The following CARD10 variants were observed in gnomAD, a reference collection of about 807,000 sequenced individuals.
CARD10 encodes the protein caspase recruitment domain-containing protein 10.
Under a neutral mutation model 114.6 loss-of-function variants are expected in CARD10, and 49 were observed. The observed-to-expected ratio is 0.43, with a 90% CI of 0.34 to 0.54. CARD10 has a LOEUF of 0.54. Among genes scored for constraint, CARD10 ranks in the 20% least tolerant of loss-of-function variants. The probability of loss-of-function intolerance (pLI) is 0.03; values close to 1 mark genes in which losing one functional copy is unlikely to be tolerated. For missense variants in CARD10, 1,206 were observed against 1,397.2 expected (o/e 0.86, Z 2.18); for synonymous variants, 602 against 593.2 (o/e 1.01, Z -0.21).
chr22:37,510,473 G>A, intron 3 of CARD10, 52 bp from the exon 4 acceptor site: 1 of 1,548,624 alleles, frequency 6.5e-7, no homozygotes, highest in Non-Finnish European at 8.8e-7. Context: ...GGGAGCCACG[G>A]GTTACAGGGG....
rs1922854481 is a variant in CARD10 at position 37,492,813 on chromosome 22, G to C, written c.2477-11C>G. 1.2e-6 allele frequency: 2 copies of C among 1,608,270 alleles called. No individual in the cohort carries two copies. Among genetic ancestry groups the C allele is most frequent in the Admixed American group, 1.7e-5 (1 of 59,856 alleles). The stretch of plus-strand genomic sequence containing the variant: ...GGCTCCGCTCCGGCTCTGTGGCAGG[G>C]GAGGGGCGCAAAAGAGATAAGGGCA... On this transcript the variant is annotated splice_polypyrimidine_tract_variant and intron_variant, in intron 16 of 19. Transcript: ENST00000251973. The surrounding 1 kb of genome is among the most constrained non-coding windows in gnomAD (Gnocchi z 5.7).
rs5845349 is a variant in CARD10, at chr22:37,514,103, C to CAAA, written c.699+1867_699+1869dup. Among the ~76,000 whole-genome samples the CAAA allele has an allele frequency of 2.6e-3, 350 of 133,220 alleles. 2 individuals carry two copies. The East Asian group carries it at 0.026, about 10-fold the overall frequency. 87.4% of individuals were successfully genotyped at this position (133,220 alleles called of 152,430 possible). A position where few individuals can be genotyped will look rare whatever the true frequency, so the allele number is the denominator to read the frequency against. ...TGGGTAACAAAGCAAGACTCCATCTCAAAAAAAAAAAAAAAAAAATTCCTT... is the reference window on the plus strand; with the variant it reads ...TGGGTAACAAAGCAAGACTCCATCTCAAAAAAAAAAAAAAAAAAAAAATTCCTT... On this transcript the variant is annotated intron_variant, in intron 3 of 19. Coordinates refer to ENST00000251973, the MANE Select transcript of CARD10 (RefSeq NM_014550.4).
At position 37,496,872 on chromosome 22, in the gene CARD10, G is replaced by A; in HGVS notation, c.1947+147C>T. On this transcript the variant is annotated intron_variant, in intron 12 of 19. Coordinates refer to ENST00000251973, the MANE Select transcript of CARD10 (RefSeq NM_014550.4). This position sits in a 1 kb window ranked among gnomAD's most constrained non-coding sequence, Gnocchi z 4.1. ...ACTTCAATTAAGCCTGGCTGAGCAG[G>A]CAACCACAGCTAATCACTGAGCCCG... 2 of 986,334 alleles carry A rather than the reference G, an allele frequency of 2.0e-6. No individual in the cohort carries two copies. Among genetic ancestry groups the A allele is most frequent in the Non-Finnish European group, 3.0e-6 (2 of 667,226 alleles). 61.1% of individuals were successfully genotyped at this position (986,334 alleles called of 1,614,324 possible). A position where few individuals can be genotyped will look rare whatever the true frequency, so the allele number is the denominator to read the frequency against.
intron 3 of CARD10, chr22:37,511,861 C>T (rs1031436681): frequency 6.6e-6 from 1 of 152,262 alleles, no homozygotes; most frequent in Non-Finnish European, 1.5e-5. Flanking sequence ...GCTCCAGTTC[C>T]AGGGTTCAGG....
chr22:37,502,837 G>A, intron 10 of CARD10, 112 bp from the exon 11 acceptor site: 1 of 1,275,842 alleles, frequency 7.8e-7, no homozygotes, highest in Non-Finnish European at 1.1e-6. Context: ...CAGGTTTGAG[G>A]CCCCAGGAGC....
chr22:37,504,456 G>A (rs1923333734), intron 8 of CARD10, among the ~76,000 whole-genome samples, 155 bp from the exon 9 acceptor site: 1 of 152,204 alleles, frequency 6.6e-6, no homozygotes, highest in African/African-American at 2.4e-5. Context: ...GGCTCCCCAC[G>A]CCTCCTGGCA....
Position 37,496,965 on chromosome 22 carries a change from A to C in CARD10, c.1947+54T>G. The C allele has an allele frequency of 2.0e-6, 3 of 1,524,404 alleles. No homozygotes were observed. Among genetic ancestry groups the C allele is most frequent in the South Asian group, 1.3e-5 (1 of 76,852 alleles). 94.4% of individuals were successfully genotyped at this position (1,524,404 alleles called of 1,614,324 possible). Reference sequence around the variant, plus strand: ...TGATCCACCAAATTAAGGGATGTCCAGCCTGGGCAAAAGCACTGACCCTAC... The same window carrying C: ...TGATCCACCAAATTAAGGGATGTCCCGCCTGGGCAAAAGCACTGACCCTAC... On this transcript the variant is annotated intron_variant, in intron 12 of 19. Transcript: ENST00000251973. The surrounding 1 kb of genome is among the most constrained non-coding windows in gnomAD (Gnocchi z 4.1).
chr22:37,498,622 GAC>G (rs1923095366), intron 11 of CARD10, among the ~76,000 whole-genome samples: 1 of 152,224 alleles, frequency 6.6e-6, no homozygotes, highest in African/African-American at 2.4e-5. Context: ...TCTCAGGTAA[GAC>G]ACAGAGCCAG....
intron 4 of CARD10, among the ~76,000 whole-genome samples, chr22:37,509,384 T>C (rs1923531050): frequency 6.6e-6 from 1 of 152,118 alleles, no homozygotes; most frequent in East Asian, 1.9e-4. Flanking sequence ...GAGGACCTTC[T>C]GGAGGCTGCT....
Position 37,492,405 on chromosome 22 carries a change from G to A in CARD10, c.2751+30C>T, listed in dbSNP as rs1922835838. 7 of 1,477,140 alleles carry A rather than the reference G, an allele frequency of 4.7e-6. No individual in the cohort carries two copies. The highest frequency in any genetic ancestry group is 6.4e-6 in the Non-Finnish European group (7 of 1,098,606). 91.5% of individuals were successfully genotyped at this position (1,477,140 alleles called of 1,614,324 possible). ...AGCACCCGCTCTGGGCCACCTCTGTGAGCACCCCAGGCCAGCCCCCAGCAC... is the reference window on the plus strand; with the variant it reads ...AGCACCCGCTCTGGGCCACCTCTGTAAGCACCCCAGGCCAGCCCCCAGCAC... On this transcript the variant is annotated intron_variant, in intron 18 of 19. Transcript: ENST00000251973. This position sits in a 1 kb window ranked among gnomAD's most constrained non-coding sequence, Gnocchi z 5.7.
chr22:37,508,589 G>A lies in CARD10; in HGVS notation c.1003C>T (p.Leu335=). 2 of 1,590,996 alleles carry A rather than the reference G, an allele frequency of 1.3e-6. No homozygotes were observed. The highest frequency in any genetic ancestry group is 1.7e-6 in the Non-Finnish European group (2 of 1,173,760). Residue 335 remains leucine, a synonymous_variant, in exon 5 of 20, where the codon CTG becomes TTG. Coordinates refer to ENST00000251973, the MANE Select transcript of CARD10 (RefSeq NM_014550.4). The part of the protein sequence containing the change: ...WREAQDSRQE[L]CQKLHAVQGE... ...TGCACGGCATGCAGCTTCTGGCACA[G>A]CTCCTGCCTGCTGTCCTGCGCCTCC...
Position 37,496,077 on chromosome 22 carries a change from G to A in CARD10, c.2060-74C>T, listed in dbSNP as rs577501040. 1.5e-5 allele frequency: 23 copies of A among 1,572,356 alleles called. No homozygotes were observed. Among genetic ancestry groups the A allele is most frequent in the Non-Finnish European group, 1.7e-5 (20 of 1,156,304 alleles). ...GTGAGGTCCAGGATCGGCCTTGGTG[G>A]GGCCAAAGACATGGCCCTCTCGAGG... On this transcript the variant is annotated intron_variant, in intron 13 of 19. Transcript: ENST00000251973. This position sits in a 1 kb window ranked among gnomAD's most constrained non-coding sequence, Gnocchi z 4.1.
intron 10 of CARD10, among the ~76,000 whole-genome samples, chr22:37,502,941 G>A (rs1443620808): frequency 1.3e-5 from 2 of 152,236 alleles, no homozygotes; most frequent in African/African-American, 4.8e-5. Flanking sequence ...CAGAACTGAA[G>A]AGCCTCGTAC....
Position 37,492,973 on chromosome 22 carries a change from C to G in CARD10, c.2477-171G>C, listed in dbSNP as rs913874587. 1.2e-4 allele frequency among the ~76,000 whole-genome samples: 19 copies of G among 152,106 alleles called. No individual in the cohort carries two copies. Among genetic ancestry groups the G allele is most frequent in the African/African-American group, 4.6e-4 (19 of 41,390 alleles). Reference sequence around the variant, plus strand: ...GTAGGACCGACGGTGGCAGTAGGCTCCTCCCTGATTCTCTGCCTCATCCCT... The same window carrying G: ...GTAGGACCGACGGTGGCAGTAGGCTGCTCCCTGATTCTCTGCCTCATCCCT... On this transcript the variant is annotated intron_variant, in intron 16 of 19. Coordinates refer to ENST00000251973, the MANE Select transcript of CARD10 (RefSeq NM_014550.4). This position sits in a 1 kb window ranked among gnomAD's most constrained non-coding sequence, Gnocchi z 5.7.
At chr22:37,508,433 G>T in intron 5 of CARD10, 94 bp downstream of exon 5, 1 of 1,308,562 alleles carries the variant, frequency 7.6e-7, no homozygotes, top group Non-Finnish European at 1.0e-6. Flanking sequence ...TCAGCGCGGC[G>T]CCTGCGTCAA....
chr22:37,519,336 G>C lies in CARD10; in HGVS notation c.-136C>G. The C allele has an allele frequency of 7.5e-7, 1 of 1,333,580 alleles. No homozygotes were observed. The highest frequency in any genetic ancestry group is 9.6e-7 in the Non-Finnish European group (1 of 1,045,614). The allele number at this position is 1,333,580 out of a possible 1,614,324, so 82.6% of individuals were successfully genotyped here. A position where few individuals can be genotyped will look rare whatever the true frequency, so the allele number is the denominator to read the frequency against. On this transcript the variant is annotated 5_prime_UTR_variant, in exon 1 of 20. Coordinates refer to ENST00000251973, the MANE Select transcript of CARD10 (RefSeq NM_014550.4). The surrounding 1 kb of genome is among the most constrained non-coding windows in gnomAD (Gnocchi z 4.1). ...CGGGGGCGCGCCCCGAGCTCCCCGC[G>C]ACTCACCCCGCACGCTACAGTCGCC...
intron 5 of CARD10, among the ~76,000 whole-genome samples, chr22:37,508,313 C>T (rs1261521938): frequency 6.6e-6 from 1 of 152,238 alleles, no homozygotes; most frequent in Non-Finnish European, 1.5e-5. Flanking sequence ...CCAGTCTCCC[C>T]TGCTGGAGTT....
At chr22:37,508,086 C>G in intron 5 of CARD10, 132 bp from the exon 6 acceptor site, 1 of 1,068,678 alleles carries the variant, frequency 9.4e-7, no homozygotes. Flanking sequence ...CCCCTCCTGC[C>G]CAGTGGAGTG....
chr22:37,508,993 C>T lies in CARD10; in HGVS notation c.910-311G>A, dbSNP rs1418017158. ...CAAGCACCAGGCACACACTCGTGCTCTGGCCCTCACCCACCATCCAGGGCA... is the reference window on the plus strand; with the variant it reads ...CAAGCACCAGGCACACACTCGTGCTTTGGCCCTCACCCACCATCCAGGGCA... On this transcript the variant is annotated intron_variant, in intron 4 of 19. Coordinates refer to ENST00000251973, the MANE Select transcript of CARD10 (RefSeq NM_014550.4). 17 of 1,549,446 alleles carry T rather than the reference C, an allele frequency of 1.1e-5. 1 individual carries two copies. The highest frequency in any genetic ancestry group is 1.5e-5 in the Non-Finnish European group (17 of 1,146,384).
Sources: allele counts gnomAD v4.1 joint callset (sites outside exome capture counted in the v4.1 genomes callset), GRCh38; gene constraint gnomAD v4.1.1; non-coding constraint Gnocchi (gnomAD v3.1); transcripts MANE v1.5; gene names NCBI Gene and HGNC (gene_info 2026-07-23, HGNC 2026-07-21).